Variants in IQCF5 observed in about 807,000 individuals in gnomAD.
The protein encoded by IQCF5 is IQ domain-containing protein F5.
In IQCF5, 2 loss-of-function variants were observed where a neutral mutation model predicts 3.4. The observed-to-expected ratio is 0.58, with a 90% CI of 0.24 to 1.84. The LOEUF is 1.84. IQCF5 is among the 40% of genes most tolerant of loss of function. The pLI, the probability that IQCF5 is intolerant of heterozygous loss-of-function variation, is 0.17. For missense variants in IQCF5, 167 were observed against 191.6 expected, an observed-to-expected ratio of 0.87 and a Z score of 0.76; for synonymous variants, 58 against 64.7, an observed-to-expected ratio of 0.90 and a Z score of 0.49.
At chr3:51,875,239 A>T in intron 1 of IQCF5, 1 of 458,830 alleles carries the variant, frequency 2.2e-6, no homozygotes, top group Non-Finnish European at 4.0e-6. Flanking sequence ...ATGATCATTT[A>T]AAACAGCTTG....
chr3:51,874,784 C>T (rs1471090962), intron 1 of IQCF5: 4 of 242,088 alleles, frequency 1.7e-5, no homozygotes, highest in African/African-American at 6.7e-5. Context: ...CTATATGGTC[C>T]GGGATCACAC....
rs757209624 is a variant in IQCF5, at chr3:51,875,507, G to T, written c.4+21C>A. 9.7e-6 allele frequency: 15 copies of T among 1,552,088 alleles called. No individual in the cohort carries two copies. In the South Asian group the frequency reaches 1.1e-4, roughly 11 times the overall value. On this transcript the variant is annotated intron_variant, in intron 1 of 1. Transcript: ENST00000446461. Reference sequence around the variant, plus strand: ...GGGACAGGTCGTAAAATTCGCACAGGTCTGGACTTTACTAAATTACCCATG... The same window carrying T: ...GGGACAGGTCGTAAAATTCGCACAGTTCTGGACTTTACTAAATTACCCATG...
At position 51,873,732 on chromosome 3, in the gene IQCF5, G is replaced by C. The variant is rs1698763294; in HGVS notation, c.*1C>G. The C allele has an allele frequency of 1.9e-6, 3 of 1,545,406 alleles. No homozygotes were observed. Among genetic ancestry groups the C allele is most frequent in the Non-Finnish European group, 2.6e-6 (3 of 1,141,814 alleles). On this transcript the variant is annotated 3_prime_UTR_variant, in exon 2 of 2. Coordinates refer to ENST00000446461, the MANE Select transcript of IQCF5 (RefSeq NM_001145059.2). The stretch of plus-strand genomic sequence containing the variant: ...TGGGGACACAGATATAGCAGACCTG[G>C]TCATTCTTTTAATGGAAGGGGTATG...
At position 51,874,085 on chromosome 3, in the gene IQCF5, A is replaced by G. The variant is rs754689266; in HGVS notation, c.95T>C (p.Leu32Pro). 8 of 1,553,152 alleles carry G rather than the reference A, an allele frequency of 5.2e-6. No individual in the cohort carries two copies. Among genetic ancestry groups the G allele is most frequent in the South Asian group, 4.8e-5 (4 of 84,136 alleles). ...WRGMLVRRTL[L>P]HAALRAWIIQ... Reference sequence around the variant, plus strand: ...GATCCAAGCCCTGAGGGCTGCATGCAGCAGTGTGCGTCGCACCAGCATGCC... The same window carrying G: ...GATCCAAGCCCTGAGGGCTGCATGCGGCAGTGTGCGTCGCACCAGCATGCC... The change falls in exon 2 of 2, where the codon CTG becomes CCG. Residue 32 changes from leucine to proline, a missense_variant. Physicochemically the swap from Leu to Pro is moderately conservative, Grantham distance 98. Coordinates refer to ENST00000446461, the MANE Select transcript of IQCF5 (RefSeq NM_001145059.2).
Position 51,874,117 on chromosome 3 carries a change from C to T in IQCF5, c.63G>A (p.Trp21Ter). ...TGCGTCGCACCAGCATGCCCCGCCA[C>T]CAGGCCTGGATGAAAACAGCTGCAG... The part of the protein sequence containing the change: ...ERSAAVFIQA[W>*]WRGMLVRRTL... The change falls in exon 2 of 2, where the codon TGG becomes TGA. Residue 21 changes from tryptophan to a stop codon, truncating the protein, a stop_gained. Coordinates refer to ENST00000446461, the MANE Select transcript of IQCF5 (RefSeq NM_001145059.2). LOFTEE classifies it low-confidence loss of function (END_TRUNC). The T allele has an allele frequency of 6.4e-7, 1 of 1,552,508 alleles. No homozygotes were observed. Among genetic ancestry groups the T allele is most frequent in the Middle Eastern group, 1.7e-4 (1 of 5,994 alleles).
At chr3:51,874,306 TC>T (rs1258712989) in intron 1 of IQCF5, 131 bp from the exon 2 acceptor site, 2 of 906,760 alleles carry the variant, frequency 2.2e-6, no homozygotes, top group South Asian at 1.4e-5. Flanking sequence ...CAGGTAGGTG[TC>T]CCCCCTCTGC....
intron 1 of IQCF5, 137 bp downstream of exon 1, chr3:51,875,391 G>A: frequency 1.1e-6 from 1 of 920,274 alleles, no homozygotes; most frequent in Non-Finnish European, 1.7e-6. Context: ...CAAACATGGA[G>A]GGGGGTCCTG....
intron 1 of IQCF5, 66 bp downstream of exon 1, chr3:51,875,461 CT>C (rs1263051557): frequency 6.5e-7 from 1 of 1,530,064 alleles, no homozygotes; most frequent in African/African-American, 1.4e-5. Flanking sequence ...TTCTGACTGC[CT>C]CTTACAAAAC....
At chr3:51,874,678 G>T in intron 1 of IQCF5, 1 of 352,300 alleles carries the variant, frequency 2.8e-6, no homozygotes, top group South Asian at 2.2e-5. Context: ...CTTCAGCTAT[G>T]CATGCATCTG....
At chr3:51,875,274 T>G in intron 1 of IQCF5, 1 of 560,230 alleles carries the variant, frequency 1.8e-6, no homozygotes, top group Non-Finnish European at 3.2e-6. Context: ...TCAGAGTGTA[T>G]GGGGGGAAAT....
rs1311104463 is a variant in IQCF5 at position 51,874,165 on chromosome 3, C to T, written c.15G>A (p.Glu5=). Residue 5 remains glutamate (E), a synonymous_variant, in exon 2 of 2, where the codon GAG becomes GAA. Coordinates refer to ENST00000446461, the MANE Select transcript of IQCF5 (RefSeq NM_001145059.2). MGPE[E]KTIMTERSAA... is the part of the protein sequence containing the mutation. ...CAGACCTTTCTGTCATGATGGTCTT[C>T]TCTTCTGGGCCTTACAAGAGAAAAC... 1 of 1,550,026 alleles carries T rather than the reference C, an allele frequency of 6.5e-7. No homozygotes were observed. Among genetic ancestry groups the T allele is most frequent in the Admixed American group, 2.0e-5 (1 of 50,902 alleles).
intron 1 of IQCF5, chr3:51,874,435 T>C (rs1181292085): frequency 1.5e-6 from 1 of 648,274 alleles, no homozygotes; most frequent in South Asian, 1.5e-5. Context: ...TGGACCTTGC[T>C]GGCCAGTCTA....
chr3:51,875,204 C>T (rs920545217), intron 1 of IQCF5: 5 of 329,382 alleles, frequency 1.5e-5, no homozygotes, highest in South Asian at 5.8e-5. Flanking sequence ...TCTGTTCTAT[C>T]GATGTGATTT....
At position 51,874,081 on chromosome 3, in the gene IQCF5, A is replaced by G. The variant is rs1451704922; in HGVS notation, c.99T>C (p.His33=). Residue 33 remains histidine (H), a synonymous_variant, in exon 2 of 2, where the codon CAT becomes CAC. Coordinates refer to ENST00000446461, the MANE Select transcript of IQCF5 (RefSeq NM_001145059.2). ...GAATGATCCAAGCCCTGAGGGCTGC[A>G]TGCAGCAGTGTGCGTCGCACCAGCA... is the stretch of plus-strand genomic sequence containing the variant. ...RGMLVRRTLL[H]AALRAWIIQC... The G allele has an allele frequency of 6.4e-7, 1 of 1,553,244 alleles. No homozygotes were observed. Among genetic ancestry groups the G allele is most frequent in the Admixed American group, 2.0e-5 (1 of 51,088 alleles).
At chr3:51,875,038 G>A (rs1480892711) in intron 1 of IQCF5, 2 of 185,564 alleles carry the variant, frequency 1.1e-5, no homozygotes, top group Non-Finnish European at 2.3e-5. Context: ...ATAGATCTTT[G>A]AGTCACTCTG....
rs1413165638 is a variant in IQCF5, at chr3:51,874,092, T to G, written c.88A>C (p.Thr30Pro). The G allele has an allele frequency of 6.4e-7, 1 of 1,552,850 alleles. No individual in the cohort carries two copies. The highest frequency in any genetic ancestry group is 2.0e-5 in the Admixed American group (1 of 51,066). Reference sequence around the variant, plus strand: ...GCCCTGAGGGCTGCATGCAGCAGTGTGCGTCGCACCAGCATGCCCCGCCAC... The same window carrying G: ...GCCCTGAGGGCTGCATGCAGCAGTGGGCGTCGCACCAGCATGCCCCGCCAC... Reference protein sequence around the residue: ...AWWRGMLVRRTLLHAALRAWI... With the variant: ...AWWRGMLVRRPLLHAALRAWI... The change falls in exon 2 of 2, where the codon ACA becomes CCA. Residue 30 changes from threonine to proline, a missense_variant. By Grantham distance (38) the Thr-to-Pro change is conservative. Coordinates refer to ENST00000446461, the MANE Select transcript of IQCF5 (RefSeq NM_001145059.2).
Position 51,875,525 on chromosome 3 carries a change from T to C in IQCF5, c.4+3A>G, listed in dbSNP as rs1698786893. 2.6e-6 allele frequency: 4 copies of C among 1,552,116 alleles called. No individual in the cohort carries two copies. In the South Asian group the frequency reaches 4.8e-5, roughly 18 times the overall value. ...CGCACAGGTCTGGACTTTACTAAAT[T>C]ACCCATGGTTAGGGGCTAGATGGTC... is the stretch of plus-strand genomic sequence containing the variant. On this transcript the variant is annotated splice_donor_region_variant and intron_variant, in intron 1 of 1. Transcript: ENST00000446461.
At chr3:51,875,126 T>TA (rs1256701469) in intron 1 of IQCF5, 1 of 243,064 alleles carries the variant, frequency 4.1e-6, no homozygotes, top group African/African-American at 2.2e-5. Context: ...GGTAAGGGTG[T>TA]GGCCTGGTAG....
chr3:51,874,368 T>C (rs1296321717), intron 1 of IQCF5, 193 bp from the exon 2 acceptor site: 2 of 706,862 alleles, frequency 2.8e-6, no homozygotes, highest in Non-Finnish European at 5.1e-6. Context: ...TGAGTTTCAA[T>C]GTCCCCATCT....
Sources: gnomAD v4.1 joint callset for allele counts on GRCh38, gnomAD v4.1.1 for gene constraint, MANE v1.5 for transcripts, NCBI Gene and HGNC (gene_info 2026-07-23, HGNC 2026-07-21) for gene names.